The following ZNF536 variants were observed in gnomAD, a reference collection of about 807,000 sequenced individuals.
The protein encoded by ZNF536 is zinc finger protein 536.
Under a neutral mutation model 84.5 loss-of-function variants are expected in ZNF536, and 13 were observed. The ratio of observed to expected loss-of-function variants is 0.15; its 90% CI spans 0.10 to 0.24. The LOEUF (loss-of-function observed/expected upper bound fraction) is 0.24, where lower values mean the gene tolerates loss of function less well. Among genes scored for constraint, ZNF536 ranks in the 10% least tolerant of loss-of-function variants. The pLI is 1.00. For synonymous variants in ZNF536, 811 were observed against 742.5 expected (o/e 1.09, Z -1.50); for missense variants, 1,536 against 1,747.5 (o/e 0.88, Z 2.16).
intron 2 of ZNF536, among the ~76,000 whole-genome samples, chr19:30,505,952 C>T (rs889118681): frequency 1.3e-5 from 2 of 152,008 alleles, no homozygotes; most frequent in South Asian, 4.1e-4. Context: ...AGGTGTGAGC[C>T]ACCATGCTCA....
intron 1 of ZNF536, among the ~76,000 whole-genome samples, chr19:30,689,893 A>G (rs1015032495): frequency 1.3e-5 from 2 of 152,232 alleles, no homozygotes; most frequent in Non-Finnish European, 2.9e-5. Context: ...GTTGCTAGAT[A>G]CCAGAAAGTG....
At chr19:30,605,019 A>G (rs779870378) in intron 1 of ZNF536, among the ~76,000 whole-genome samples, 2 of 152,116 alleles carry the variant, frequency 1.3e-5, no homozygotes, top group Non-Finnish European at 2.9e-5. Context: ...TCATTACCTT[A>G]TTTAATCCTC....
At chr19:30,706,154 G>T (rs1357550741) in intron 1 of ZNF536, among the ~76,000 whole-genome samples, 1 of 152,182 alleles carries the variant, frequency 6.6e-6, no homozygotes, top group South Asian at 2.1e-4. Context: ...GGATTCATAC[G>T]TGAAATTATT....
chr19:30,259,408 G>A (rs1186678321), intron 1 of ZNF536, among the ~76,000 whole-genome samples: 1 of 152,168 alleles, frequency 6.6e-6, no homozygotes, highest in African/African-American at 2.4e-5. Context: ...TGGTCCTGGC[G>A]CAACAGCATG....
At chr19:30,649,987 A>C (rs529353582) in intron 1 of ZNF536, among the ~76,000 whole-genome samples, 3 of 152,178 alleles carry the variant, frequency 2.0e-5, no homozygotes, top group African/African-American at 7.2e-5. Context: ...GTAAGTGAAC[A>C]TCAACTGACC....
intron 2 of ZNF536, among the ~76,000 whole-genome samples, chr19:30,505,820 C>A (rs928913738): frequency 6.6e-6 from 1 of 151,886 alleles, no homozygotes; most frequent in South Asian, 2.1e-4. Context: ...CATGCGCCAA[C>A]GCACCCGGCT....
intron 1 of ZNF536, among the ~76,000 whole-genome samples, chr19:30,576,190 G>A (rs1348524571): frequency 6.6e-6 from 1 of 152,226 alleles, no homozygotes; most frequent in Non-Finnish European, 1.5e-5. Flanking sequence ...ACGATTTGGA[G>A]AGAGCAGGCT....
chr19:30,452,779 T>G (rs1376656077), intron 2 of ZNF536, among the ~76,000 whole-genome samples: 1 of 152,120 alleles, frequency 6.6e-6, no homozygotes. Context: ...GACTGGAACC[T>G]TTGCCATCTG....
chr19:30,527,219 C>CTTTTTTT (rs56404227), intron 2 of ZNF536, among the ~76,000 whole-genome samples: 10 of 106,172 alleles, frequency 9.4e-5, no homozygotes, highest in African/African-American at 3.1e-4. Flanking sequence ...ACCCAGCCTC[C>CTTTTTTT]TTTTTTTTTT....
intron 1 of ZNF536, among the ~76,000 whole-genome samples, chr19:30,663,027 T>G (rs2050182509): frequency 6.6e-6 from 1 of 150,884 alleles, no homozygotes; most frequent in Non-Finnish European, 1.5e-5. Context: ...AAAGCACATT[T>G]AACCCTAACT....
intron 2 of ZNF536, among the ~76,000 whole-genome samples, chr19:30,518,808 A>G (rs1166165977): frequency 1.3e-5 from 2 of 152,098 alleles, no homozygotes; most frequent in Non-Finnish European, 2.9e-5. Context: ...CATGGAAGTG[A>G]GCCTTAGCAG....
At chr19:30,477,162 G>A (rs964184667) in intron 2 of ZNF536, among the ~76,000 whole-genome samples, 9 of 152,046 alleles carry the variant, frequency 5.9e-5, no homozygotes, top group African/African-American at 2.2e-4. Flanking sequence ...GCTCATCTTG[G>A]TTGTGCCCTT....
chr19:30,398,264 C>A (rs989430167), intron 1 of ZNF536, among the ~76,000 whole-genome samples: 6 of 152,142 alleles, frequency 3.9e-5, no homozygotes, highest in South Asian at 2.1e-4. Context: ...CAGTTATATC[C>A]CCTCCGTGCC....
At chr19:30,337,982 A>ATGATGATGATGATGGTGATTG (rs2047435508) in intron 2 of ZNF536, among the ~76,000 whole-genome samples, 1 of 151,228 alleles carries the variant, frequency 6.6e-6, no homozygotes, top group Non-Finnish European at 1.5e-5. Context: ...TGTGATTATG[A>ATGATGATGATGATGGTGATTG]TGATGATGAT....
intron 2 of ZNF536, among the ~76,000 whole-genome samples, chr19:30,480,473 T>C (rs144774560): frequency 0.066 from 10,053 of 152,114 alleles, 466 homozygotes; most frequent in South Asian, 0.15. Context: ...CCGGATGTTC[T>C]CACTCATAAG....
Position 30,648,408 on chromosome 19 carries a change from C to G in ZNF536, c.170-62349C>G, listed in dbSNP as rs1446528246. 3.9e-5 allele frequency among the ~76,000 whole-genome samples: 6 copies of G among 152,230 alleles called. No homozygotes were observed. The East Asian group carries it at 1.2e-3, about 30-fold the overall frequency. ...AAAAGGCCAAATCCTTTCTGCAAAC[C>G]CACAGGCGCTCGACCTACATCACAC... On this transcript the variant is annotated intron_variant, in intron 1 of 1. Transcript: ENST00000592773.
chr19:30,510,963 CAT>C (rs1169964570), intron 2 of ZNF536, among the ~76,000 whole-genome samples: 1 of 152,218 alleles, frequency 6.6e-6, no homozygotes, highest in Non-Finnish European at 1.5e-5. Context: ...GGATGGATAT[CAT>C]ATCTCCCATT....
intron 2 of ZNF536, among the ~76,000 whole-genome samples, chr19:30,515,408 A>G (rs1394566908): frequency 6.6e-5 from 10 of 152,194 alleles, no homozygotes; most frequent in Admixed American, 4.6e-4. Flanking sequence ...AAGAGTTCAG[A>G]TTTTATTATT....
chr19:30,593,959 G>A (rs759982237), intron 1 of ZNF536, among the ~76,000 whole-genome samples: 5 of 152,186 alleles, frequency 3.3e-5, no homozygotes, highest in Non-Finnish European at 7.4e-5. Flanking sequence ...CTCATTGATT[G>A]TCCTTGGAGA....
Sources: allele counts gnomAD v4.1 joint callset (sites outside exome capture counted in the v4.1 genomes callset), GRCh38; gene constraint gnomAD v4.1.1; transcripts MANE v1.5; gene names NCBI Gene and HGNC (gene_info 2026-07-23, HGNC 2026-07-21).